RARB: variants seen among roughly 807,000 people sequenced by gnomAD.
The protein encoded by RARB is HBV-activated protein.
RARB carries 17 observed loss-of-function variants against 51.9 expected under a neutral mutation model. The ratio of observed to expected loss-of-function variants is 0.33; its 90% CI spans 0.22 to 0.49. The LOEUF is 0.49. Among genes scored for constraint, RARB ranks in the 20% least tolerant of loss-of-function variants. The probability of loss-of-function intolerance (pLI) is 0.99; values close to 1 mark genes in which losing one functional copy is unlikely to be tolerated. For synonymous variants in RARB, 215 were observed against 195.4 expected (o/e 1.10, Z -0.84); for missense variants, 369 against 550.8 (o/e 0.67, Z 3.30).
At chr3:25,466,148 A>G (rs115311508) in intron 2 of RARB, among the ~76,000 whole-genome samples, 303 of 152,308 alleles carry the variant, frequency 2.0e-3, no homozygotes, top group African/African-American at 7.0e-3. Context: ...AGTAAGTGAT[A>G]AGTACTAAGT....
intron 2 of RARB, among the ~76,000 whole-genome samples, chr3:24,944,384 G>A (rs1304823974): frequency 6.6e-6 from 1 of 152,212 alleles, no homozygotes; most frequent in Non-Finnish European, 1.5e-5. Context: ...AGCTAACATT[G>A]ATAGAGGATT....
At chr3:25,425,299 T>G (rs185304616), upstream of RARB, among the ~76,000 whole-genome samples, 6 of 152,182 alleles carry the variant, frequency 3.9e-5, no homozygotes, top group African/African-American at 1.2e-4. Flanking sequence ...TATGGCTTAT[T>G]TATGTATCTT....
intron 5 of RARB, among the ~76,000 whole-genome samples, chr3:25,305,615 C>T (rs1704136235): frequency 6.6e-6 from 1 of 152,144 alleles, no homozygotes. Context: ...ACCCCTGCCC[C>T]ACAGATATCA....
chr3:24,933,620 T>C (rs1695487880), intron 2 of RARB, among the ~76,000 whole-genome samples: 1 of 152,052 alleles, frequency 6.6e-6, no homozygotes, highest in Non-Finnish European at 1.5e-5. Flanking sequence ...AGCTGCATTC[T>C]TCAAGAGCAG....
intron 5 of RARB, among the ~76,000 whole-genome samples, chr3:25,379,097 C>T (rs1575355947): frequency 6.6e-6 from 1 of 152,290 alleles, no homozygotes; most frequent in East Asian, 1.9e-4. Context: ...CTGTCATTCA[C>T]ATGTGTTACT....
intron 5 of RARB, among the ~76,000 whole-genome samples, chr3:25,332,672 C>A (rs1303235441): frequency 6.6e-6 from 1 of 152,096 alleles, no homozygotes; most frequent in South Asian, 2.1e-4. Flanking sequence ...GAAGTTCTGG[C>A]CAGGGCAATC....
intron 5 of RARB, among the ~76,000 whole-genome samples, chr3:25,354,343 A>G (rs1375454218): frequency 6.6e-6 from 1 of 152,130 alleles, no homozygotes; most frequent in African/African-American, 2.4e-5. Flanking sequence ...AGGATGCTAA[A>G]TCAGGTTATG....
intron 2 of RARB, among the ~76,000 whole-genome samples, chr3:25,006,075 G>A (rs1397408735): frequency 1.3e-5 from 2 of 152,004 alleles, no homozygotes; most frequent in African/African-American, 4.8e-5. Flanking sequence ...CAGCCAAAGG[G>A]TTCACTCTTC....
At chr3:25,449,170 C>G (rs986124228) in intron 1 of RARB, among the ~76,000 whole-genome samples, 1 of 152,078 alleles carries the variant, frequency 6.6e-6, no homozygotes, top group Non-Finnish European at 1.5e-5. Flanking sequence ...GCCTGAGTGA[C>G]TGCTCCTGAC....
intron 4 of RARB, among the ~76,000 whole-genome samples, chr3:25,170,088 TTA>T (rs1700619549): frequency 6.6e-6 from 1 of 151,940 alleles, no homozygotes; most frequent in Non-Finnish European, 1.5e-5. Flanking sequence ...CTGTTATTCT[TTA>T]TCAGTCTCAA....
chr3:25,081,580 CATATACATATAT>C (rs1283272120), intron 3 of RARB, among the ~76,000 whole-genome samples: 1 of 39,140 alleles, frequency 2.6e-5, no homozygotes, highest in African/African-American at 1.0e-4. Flanking sequence ...GTGTTTGCTT[CATATACATATAT>C]ATATATATAT....
intron 2 of RARB, among the ~76,000 whole-genome samples, chr3:25,467,560 T>C (rs1341050436): frequency 2.8e-5 from 4 of 145,104 alleles, no homozygotes; most frequent in Non-Finnish European, 6.1e-5. Flanking sequence ...CAAACACTTC[T>C]CACCCTCTGC....
chr3:25,196,532 C>A (rs548079560), intron 5 of RARB, among the ~76,000 whole-genome samples: 1 of 152,048 alleles, frequency 6.6e-6, no homozygotes, highest in African/African-American at 2.4e-5. Flanking sequence ...AATAAACATA[C>A]GTGGGCATGT....
chr3:25,142,719 A>C lies in RARB; in HGVS notation c.-280+10511A>C, dbSNP rs75089715. On this transcript the variant is annotated intron_variant, in intron 4 of 11. Coordinates refer to the RARB transcript ENST00000383772. ...GATATTTCTACCTTTTGAAGGGGAA[A>C]TGCTGCCTCCCAGAAAGCCTCCAGA... 4.0e-3 allele frequency among the ~76,000 whole-genome samples: 616 copies of C among 152,214 alleles called. 3 individuals carry two copies. The highest frequency in any genetic ancestry group is 0.014 in the African/African-American group (595 of 41,532).
intron 4 of RARB, among the ~76,000 whole-genome samples, chr3:25,155,073 A>C (rs1700352238): frequency 6.6e-6 from 1 of 152,174 alleles, no homozygotes; most frequent in African/African-American, 2.4e-5. Context: ...TCTCATTGCC[A>C]TTCTCTGATT....
Position 25,006,646 on chromosome 3 carries a change from G to A in RARB, c.-379-53479G>A, listed in dbSNP as rs114839272. Reference sequence around the variant, plus strand: ...AGTAATCATAAAGACTTCAGTGTTTGGTTACTTCTGATTTAATGAAGGTCT... The same window carrying A: ...AGTAATCATAAAGACTTCAGTGTTTAGTTACTTCTGATTTAATGAAGGTCT... On this transcript the variant is annotated intron_variant, in intron 2 of 11. Coordinates refer to the RARB transcript ENST00000383772. Among the ~76,000 whole-genome samples the A allele has an allele frequency of 7.5e-3, 1,142 of 152,092 alleles. 8 individuals are homozygous for A. Among genetic ancestry groups the A allele is most frequent in the African/African-American group, 0.021 (857 of 41,504 alleles).
At chr3:24,866,139 G>A (rs561275436) in intron 2 of RARB, among the ~76,000 whole-genome samples, 10 of 152,186 alleles carry the variant, frequency 6.6e-5, no homozygotes, top group African/African-American at 2.2e-4. Flanking sequence ...CTAGGCTGAC[G>A]TTCAATTCCC....
chr3:25,021,605 TAAAC>T (rs1489255765), intron 2 of RARB, among the ~76,000 whole-genome samples: 1 of 152,086 alleles, frequency 6.6e-6, no homozygotes, highest in African/African-American at 2.4e-5. Context: ...ATAGGAAAAA[TAAAC>T]AATTCATCTT....
chr3:25,165,349 C>A (rs867037033), intron 4 of RARB, among the ~76,000 whole-genome samples: 1 of 152,090 alleles, frequency 6.6e-6, no homozygotes, highest in Non-Finnish European at 1.5e-5. Flanking sequence ...CATTTCTATG[C>A]CAGTCTTCTC....
Sources: gnomAD v4.1 joint callset for allele counts (sites outside exome capture counted in the v4.1 genomes callset) on GRCh38, gnomAD v4.1.1 for gene constraint, MANE v1.5 for transcripts, NCBI Gene and HGNC (gene_info 2026-07-23, HGNC 2026-07-21) for gene names.